GLI2: variants seen among roughly 807,000 people sequenced by gnomAD.
GLI2 encodes transcription activator GLI2.
A neutral mutation model predicts 78.9 loss-of-function variants in GLI2; 22 were observed. The ratio of observed to expected loss-of-function variants is 0.28; its 90% CI spans 0.20 to 0.40. GLI2 has a LOEUF of 0.40. GLI2 is among the 10% of genes least tolerant of loss of function. The pLI is 1.00. For missense variants in GLI2, 2,097 were observed against 2,213.2 expected (o/e 0.95, Z 1.05); for synonymous variants, 974 against 963.7 (o/e 1.01, Z -0.20).
intron 1 of GLI2, among the ~76,000 whole-genome samples, chr2:120,748,990 T>C (rs1006242181): frequency 6.6e-6 from 1 of 152,132 alleles, no homozygotes; most frequent in African/African-American, 2.4e-5. Flanking sequence ...CCATCATACA[T>C]TCATTGACTG....
In GLI2 at chr2:120,934,758, A is replaced by G. The variant is rs1680113497; in HGVS notation, c.254+7292A>G. Among the ~76,000 whole-genome samples, 3 of 151,918 alleles carry G rather than the reference A, an allele frequency of 2.0e-5. No individual in the cohort carries two copies. In the South Asian group the frequency reaches 6.3e-4, roughly 32 times the overall value. On this transcript the variant is annotated intron_variant, in intron 3 of 13. Transcript: ENST00000361492. Reference sequence around the variant, plus strand: ...TCCCCGAGACTGCATGTTAATGGGGATGTTTAGCCGGGTGTCGGTGTGCCT... The same window carrying G: ...TCCCCGAGACTGCATGTTAATGGGGGTGTTTAGCCGGGTGTCGGTGTGCCT...
chr2:120,939,053 A>AG (rs1558898289), intron 3 of GLI2, among the ~76,000 whole-genome samples: 1 of 152,320 alleles, frequency 6.6e-6, no homozygotes, highest in East Asian at 1.9e-4. Context: ...AGGCCGAGGC[A>AG]GGGGGATCAC....
intron 2 of GLI2, among the ~76,000 whole-genome samples, chr2:120,819,239 A>ATTT (rs10701244): frequency 0.084 from 9,845 of 116,616 alleles, 673 homozygotes; most frequent in Middle Eastern, 0.17. Context: ...ACTAATAGAG[A>ATTT]TTTTTTTTTT....
intron 2 of GLI2, among the ~76,000 whole-genome samples, chr2:120,864,051 T>C (rs1278964312): frequency 1.3e-5 from 2 of 152,190 alleles, no homozygotes; most frequent in Non-Finnish European, 2.9e-5. Context: ...ACTTAGAGGT[T>C]ACCTACTGGG....
intron 2 of GLI2, among the ~76,000 whole-genome samples, chr2:120,902,291 T>C (rs1295476733): frequency 6.8e-6 from 1 of 147,840 alleles, no homozygotes; most frequent in East Asian, 2.0e-4. Flanking sequence ...TATAGAGGAC[T>C]TGCTGGGAAA....
intron 2 of GLI2, among the ~76,000 whole-genome samples, chr2:120,833,484 G>A (rs1433126996): frequency 6.6e-6 from 1 of 152,132 alleles, no homozygotes; most frequent in Non-Finnish European, 1.5e-5. Context: ...GCAAGGCACT[G>A]CACCTCTCTG....
intron 2 of GLI2, among the ~76,000 whole-genome samples, chr2:120,868,214 C>T (rs1180549042): frequency 6.6e-6 from 1 of 152,176 alleles, no homozygotes; most frequent in African/African-American, 2.4e-5. Flanking sequence ...GTCTGCGAGT[C>T]CCAGCTCACG....
intron 2 of GLI2, among the ~76,000 whole-genome samples, chr2:120,923,132 CAT>C (rs1679467241): frequency 1.5e-5 from 1 of 65,984 alleles, no homozygotes; most frequent in South Asian, 8.5e-4. Context: ...GCAACACACA[CAT>C]ATGGCACACA....
intron 2 of GLI2, among the ~76,000 whole-genome samples, chr2:120,813,709 T>C (rs1412847724): frequency 6.6e-6 from 1 of 152,188 alleles, no homozygotes; most frequent in Non-Finnish European, 1.5e-5. Context: ...CTTGCCATTC[T>C]TGCATGCAGT....
intron 2 of GLI2, among the ~76,000 whole-genome samples, chr2:120,817,840 G>A (rs17005241): frequency 0.098 from 14,957 of 152,056 alleles, 812 homozygotes; most frequent in African/African-American, 0.14. Flanking sequence ...CCACTCGCTC[G>A]TATGGAGCAA....
chr2:120,773,929 CCT>C (rs1446139848), intron 1 of GLI2, among the ~76,000 whole-genome samples: 51 of 126,370 alleles, frequency 4.0e-4, no homozygotes, highest in African/African-American at 7.5e-4. Flanking sequence ...TTCCTTCCTT[CCT>C]TCCCTCCCTC....
chr2:120,786,210 A>G (rs774291837), intron 1 of GLI2, among the ~76,000 whole-genome samples: 11 of 152,226 alleles, frequency 7.2e-5, no homozygotes, highest in Non-Finnish European at 1.0e-4. Context: ...TGATGGGCCA[A>G]TGGGAGGCTC....
At chr2:120,741,955 G>T (rs1197079904) in intron 1 of GLI2, among the ~76,000 whole-genome samples, 1 of 152,154 alleles carries the variant, frequency 6.6e-6, no homozygotes, top group African/African-American at 2.4e-5. Context: ...GCTCCCACCC[G>T]GGAAGGGCGC....
intron 2 of GLI2, among the ~76,000 whole-genome samples, chr2:120,845,477 T>C (rs1320080499): frequency 6.6e-6 from 1 of 152,186 alleles, no homozygotes; most frequent in Non-Finnish European, 1.5e-5. Flanking sequence ...GCCTGGACTT[T>C]CTGCCGTGCT....
At position 120,800,873 on chromosome 2, in the gene GLI2, GTGGGTC is replaced by G. The variant is rs1462109211; in HGVS notation, c.148+3407_148+3412del. Among the ~76,000 whole-genome samples, 1 of 152,170 alleles carries G rather than the reference GTGGGTC, an allele frequency of 6.6e-6. No homozygotes were observed. The highest frequency in any genetic ancestry group is 1.9e-4 in the East Asian group (1 of 5,188). On this transcript the variant is annotated intron_variant, in intron 2 of 13. Transcript: ENST00000361492. The surrounding 1 kb of genome is among the most constrained non-coding windows in gnomAD (Gnocchi z 4.1). ...ACACATCAGAGAAGGTGTGGGGTGG[GTGGGTC>G]TTATCTGAGGATGTCAGGGGCGCAG...
intron 2 of GLI2, among the ~76,000 whole-genome samples, chr2:120,900,620 G>C (rs277544): frequency 1.3e-5 from 2 of 152,182 alleles, no homozygotes; most frequent in Admixed American, 1.3e-4. Flanking sequence ...AACAAGATGA[G>C]GGGACAACAC....
At chr2:120,809,231 G>A (rs1685114691) in intron 2 of GLI2, among the ~76,000 whole-genome samples, 2 of 152,116 alleles carry the variant, frequency 1.3e-5, no homozygotes, top group Non-Finnish European at 1.5e-5. Context: ...AATGAACCTC[G>A]CAAACATATG....
At chr2:120,911,152 A>G (rs1678796630) in intron 2 of GLI2, among the ~76,000 whole-genome samples, 1 of 152,196 alleles carries the variant, frequency 6.6e-6, no homozygotes, top group South Asian at 2.1e-4. Context: ...AGAAGAGCTC[A>G]TACCGCCCTA....
In GLI2 at chr2:120,989,400, G is replaced by A. The variant is rs1683169811; in HGVS notation, c.3435G>A (p.Lys1145=). 6.2e-7 allele frequency: 1 copy of A among 1,613,052 alleles called. No homozygotes were observed. Among genetic ancestry groups the A allele is most frequent in the South Asian group, 1.1e-5 (1 of 91,090 alleles). Residue 1145 remains lysine, a synonymous_variant, in exon 14 of 14, where the codon AAG becomes AAA. Transcript: ENST00000361492. ...TAGACGCCCTGGCCAGCCAGGTGAA[G>A]CCTCCACCCTTTCCTCAGGGCAACC... The part of the protein sequence containing the change: ...GTVDALASQV[K]PPPFPQGNLA...
Sources: allele counts gnomAD v4.1 joint callset (sites outside exome capture counted in the v4.1 genomes callset), GRCh38; gene constraint gnomAD v4.1.1; non-coding constraint Gnocchi (gnomAD v3.1); transcripts MANE v1.5; gene names NCBI Gene and HGNC (gene_info 2026-07-23, HGNC 2026-07-21).